PCTP: variants seen among roughly 807,000 people sequenced by gnomAD.
The protein encoded by PCTP is START domain-containing protein 2.
Under a neutral mutation model 31.0 loss-of-function variants are expected in PCTP, and 27 were observed. The ratio of observed to expected loss-of-function variants is 0.87; its 90% CI spans 0.64 to 1.20. The LOEUF is 1.20. PCTP is among the 50% of genes most tolerant of loss of function. PCTP has a pLI of 0.00. For synonymous variants in PCTP, 108 were observed against 101.2 expected (o/e 1.07, Z -0.40); for missense variants, 287 against 268.2 (o/e 1.07, Z -0.49).
intron 3 of PCTP, among the ~76,000 whole-genome samples, chr17:55,792,230 A>G (rs1487715348): frequency 1.1e-4 from 16 of 150,042 alleles, no homozygotes; most frequent in Admixed American, 1.0e-3. Flanking sequence ...TGGGTGCAGC[A>G]CACCAGCATG....
intron 4 of PCTP, among the ~76,000 whole-genome samples, chr17:55,774,264 C>T (rs1178862747): frequency 6.6e-6 from 1 of 152,162 alleles, no homozygotes; most frequent in Admixed American, 6.5e-5. Context: ...TTGGAGGTCT[C>T]AGCTCTGGCT....
chr17:55,847,879 T>A, the PCTP span, among the ~76,000 whole-genome samples: 1 of 152,178 alleles, frequency 6.6e-6, no homozygotes, highest in Non-Finnish European at 1.5e-5. Flanking sequence ...GTTAATCTCA[T>A]CTCCAAATAG....
intron 3 of PCTP, among the ~76,000 whole-genome samples, chr17:55,772,495 G>A (rs2144963134): frequency 6.6e-6 from 1 of 151,548 alleles, no homozygotes; most frequent in Non-Finnish European, 1.5e-5. Flanking sequence ...GCTGAGGTGG[G>A]AGGATCACTT....
intron 3 of PCTP, among the ~76,000 whole-genome samples, chr17:55,797,426 A>G (rs536589105): frequency 6.6e-6 from 1 of 152,028 alleles, no homozygotes; most frequent in Non-Finnish European, 1.5e-5. Flanking sequence ...TGGGGCTATG[A>G]AGGAAAATGT....
chr17:55,757,259 TATGTGTATATACACAAGC>T (rs1910085013), intron 1 of PCTP, among the ~76,000 whole-genome samples: 1 of 151,204 alleles, frequency 6.6e-6, no homozygotes, highest in African/African-American at 2.4e-5. Flanking sequence ...TATACACATA[TATGTGTATATACACAAGC>T]ATGTGTGTGT....
chr17:55,822,762 A>G, exon 4 of PCTP: 1 of 1,231,194 alleles, frequency 8.1e-7, no homozygotes, highest in African/African-American at 1.6e-5. Flanking sequence ...ATTCTTTAGA[A>G]TCAGAGCAGA....
chr17:55,807,790 C>T (rs1946373523), intron 3 of PCTP, among the ~76,000 whole-genome samples: 1 of 152,138 alleles, frequency 6.6e-6, no homozygotes, highest in Non-Finnish European at 1.5e-5. Context: ...TCGAGACTAC[C>T]ATGGAATTCA....
intron 3 of PCTP, 72 bp downstream of exon 3, chr17:55,771,257 C>A (rs754622979): frequency 7.6e-6 from 9 of 1,190,770 alleles, no homozygotes; most frequent in African/African-American, 1.5e-5. Flanking sequence ...CAGTCTATTG[C>A]AGAGAGGTAG....
At chr17:55,840,749 G>C (rs1363636731) in intron 5 of PCTP, among the ~76,000 whole-genome samples, 4 of 152,152 alleles carry the variant, frequency 2.6e-5, no homozygotes, top group Non-Finnish European at 4.4e-5. Flanking sequence ...TATAGAAAAA[G>C]AAACAAGAGT....
downstream of PCTP, among the ~76,000 whole-genome samples, chr17:55,824,201 A>G (rs1431667224): frequency 6.6e-6 from 1 of 152,160 alleles, no homozygotes; most frequent in Non-Finnish European, 1.5e-5. Context: ...TCCTAGTTTC[A>G]GTGACCCAGT....
At chr17:55,786,593 T>A (rs533602208) in intron 2 of PCTP, among the ~76,000 whole-genome samples, 1 of 152,358 alleles carries the variant, frequency 6.6e-6, no homozygotes, top group African/African-American at 2.4e-5. Context: ...TCAGAAATAA[T>A]ATAGAAAGTG....
intron 4 of PCTP, 126 bp downstream of exon 4, chr17:55,774,021 G>T: frequency 8.8e-7 from 1 of 1,139,384 alleles, no homozygotes; most frequent in Non-Finnish European, 1.2e-6. Context: ...CAAAGCTGCA[G>T]AGCAAACCAG....
At chr17:55,814,297 TAAG>T (rs1266427180) in intron 3 of PCTP, among the ~76,000 whole-genome samples, 1 of 152,070 alleles carries the variant, frequency 6.6e-6, no homozygotes, top group Non-Finnish European at 1.5e-5. Context: ...GAGGATTAGA[TAAG>T]AGGAGAAACA....
intron 3 of PCTP, among the ~76,000 whole-genome samples, chr17:55,797,281 A>G (rs1050784374): frequency 2.0e-5 from 3 of 152,120 alleles, no homozygotes; most frequent in South Asian, 2.1e-4. Flanking sequence ...AAAGAAAGCG[A>G]TAACTTGAGG....
At chr17:55,827,394 A>G (rs969109792), downstream of PCTP, among the ~76,000 whole-genome samples, 2 of 152,218 alleles carry the variant, frequency 1.3e-5, no homozygotes, top group African/African-American at 4.8e-5. Context: ...ACCACAGCTG[A>G]CCACTGAAGC....
chr17:55,829,689 A>AACACACACACAC (rs3083340), intron 5 of PCTP, among the ~76,000 whole-genome samples: 14 of 146,232 alleles, frequency 9.6e-5, no homozygotes, highest in African/African-American at 3.0e-4. Context: ...TAATAATTTA[A>AACACACACACAC]ACACACACAC....
intron 1 of PCTP, among the ~76,000 whole-genome samples, chr17:55,752,723 C>T (rs578210945): frequency 6.6e-6 from 1 of 152,268 alleles, no homozygotes; most frequent in East Asian, 1.9e-4. Context: ...TTTCTGTATA[C>T]AGATGTTATA....
intron 3 of PCTP, among the ~76,000 whole-genome samples, chr17:55,802,088 C>T (rs1912403631): frequency 6.6e-6 from 1 of 152,172 alleles, no homozygotes; most frequent in African/African-American, 2.4e-5. Context: ...CTATAAACAC[C>T]TCTACACAAA....
At chr17:55,816,055 G>T (rs1413328880) in intron 3 of PCTP, among the ~76,000 whole-genome samples, 1 of 152,106 alleles carries the variant, frequency 6.6e-6, no homozygotes, top group Non-Finnish European at 1.5e-5. Context: ...CTCTTCATGA[G>T]GACAAGGTTC....
Sources: allele counts gnomAD v4.1 joint callset (sites outside exome capture counted in the v4.1 genomes callset), GRCh38; gene constraint gnomAD v4.1.1; transcripts MANE v1.5; gene names NCBI Gene and HGNC (gene_info 2026-07-23, HGNC 2026-07-21).